ARHGAP6: variants seen among roughly 807,000 people sequenced by gnomAD.
ARHGAP6 encodes Rho GTPase activating protein 6.
A neutral mutation model predicts 55.7 loss-of-function variants in ARHGAP6; 16 were observed. The observed-to-expected ratio is 0.29, with a 90% CI of 0.19 to 0.44. The LOEUF is 0.44. Ranked by LOEUF, ARHGAP6 falls within the 20% of genes least tolerant of loss-of-function variation. The probability of loss-of-function intolerance (pLI) is 1.00; values close to 1 mark genes in which losing one functional copy is unlikely to be tolerated. For missense variants in ARHGAP6, 698 were observed against 808.9 expected, an observed-to-expected ratio of 0.86 and a Z score of 1.66; for synonymous variants, 382 against 360.9, an observed-to-expected ratio of 1.06 and a Z score of -0.66.
intron 1 of ARHGAP6, among the ~76,000 whole-genome samples, chrX:11,630,538 T>C (rs1050398025): frequency 2.7e-5 from 3 of 112,345 alleles, no homozygotes; most frequent in Non-Finnish European, 3.8e-5. Context: ...CACAAATGTA[T>C]GTCTACTGCC....
chrX:11,636,149 C>A (rs1365418156), intron 1 of ARHGAP6, among the ~76,000 whole-genome samples: 2 of 111,069 alleles, frequency 1.8e-5, no homozygotes, highest in African/African-American at 3.3e-5. Context: ...TCAGGTTATG[C>A]CTGTTATTTT....
chrX:11,211,375 C>T (rs959555015), intron 2 of ARHGAP6, among the ~76,000 whole-genome samples: 3 of 108,234 alleles, frequency 2.8e-5, no homozygotes, highest in African/African-American at 1.0e-4. Context: ...GCGCCCGCCA[C>T]ACTAATTAGC....
intron 1 of ARHGAP6, among the ~76,000 whole-genome samples, chrX:11,433,976 G>C (rs1489747973): frequency 1.8e-5 from 2 of 112,009 alleles, no homozygotes; most frequent in African/African-American, 6.5e-5. Context: ...CCATTCATTA[G>C]ATTGCTGGTG....
rs201836677 is a variant in ARHGAP6 at position 11,164,090 on chromosome X, T to C, written c.1809+5415A>G. Among the ~76,000 whole-genome samples the C allele has an allele frequency of 3.5e-5, 4 of 112,690 alleles. No individual in the cohort carries two copies. The East Asian group carries it at 8.4e-4, about 24-fold the overall frequency. ...GCTGGCCTGAACATCAGGGGTGCTA[T>C]GATTAGTCCAGCAGTATTACTGCTG... On this transcript the variant is annotated intron_variant, in intron 9 of 12. Coordinates refer to ENST00000337414, the MANE Select transcript of ARHGAP6 (RefSeq NM_013427.3).
At chrX:11,525,811 C>T (rs928777915) in intron 1 of ARHGAP6, among the ~76,000 whole-genome samples, 3 of 111,101 alleles carry the variant, frequency 2.7e-5, no homozygotes, top group African/African-American at 9.8e-5. Context: ...AAAAAATCTA[C>T]GTAAGCATAA....
At chrX:11,344,678 CA>C (rs34123570) in intron 1 of ARHGAP6, among the ~76,000 whole-genome samples, 6,598 of 27,966 alleles carry the variant, frequency 0.24, 47 homozygotes, top group African/African-American at 0.25. Flanking sequence ...AACTCCATCA[CA>C]AAAAAAAAAA....
intron 1 of ARHGAP6, among the ~76,000 whole-genome samples, chrX:11,561,393 GTATACA>G (rs2051382931): frequency 8.9e-6 from 1 of 111,821 alleles, no homozygotes; most frequent in East Asian, 2.8e-4. Context: ...TACAAAAGTG[GTATACA>G]TATAGATTCA....
intron 1 of ARHGAP6, among the ~76,000 whole-genome samples, chrX:11,313,534 T>C (rs139145037): frequency 0.018 from 1,991 of 111,944 alleles, 46 homozygotes; most frequent in African/African-American, 0.06. Context: ...TCTGCTTAAA[T>C]ATCATCTGCT....
chrX:11,395,970 A>T (rs2049472397), intron 1 of ARHGAP6, among the ~76,000 whole-genome samples: 1 of 111,448 alleles, frequency 9.0e-6, no homozygotes, highest in Admixed American at 9.6e-5. Flanking sequence ...TGTTTTTAAA[A>T]AAGAGAGCAT....
chrX:11,565,704 G>A (rs1440606007), intron 1 of ARHGAP6, among the ~76,000 whole-genome samples: 4 of 112,332 alleles, frequency 3.6e-5, no homozygotes, highest in Admixed American at 2.8e-4. Context: ...TCTTTAGAAA[G>A]CCTCTCACTC....
At chrX:11,394,212 C>T (rs919685444) in intron 1 of ARHGAP6, among the ~76,000 whole-genome samples, 6 of 112,020 alleles carry the variant, frequency 5.4e-5, no homozygotes, top group Non-Finnish European at 1.1e-4. Flanking sequence ...TAAAGTTGTG[C>T]ATTGACCTGC....
chrX:11,392,045 A>C (rs756132744), intron 1 of ARHGAP6, among the ~76,000 whole-genome samples: 2 of 112,245 alleles, frequency 1.8e-5, no homozygotes, highest in Non-Finnish European at 3.8e-5. Flanking sequence ...GCATTCCTCA[A>C]ATAAGGAATT....
intron 1 of ARHGAP6, among the ~76,000 whole-genome samples, chrX:11,334,003 T>C (rs1265863): frequency 0.058 from 6,486 of 110,882 alleles, 210 homozygotes; most frequent in Non-Finnish European, 0.094. Flanking sequence ...GAGAGTTTGG[T>C]TTAGAGTCAC....
intron 1 of ARHGAP6, among the ~76,000 whole-genome samples, chrX:11,425,549 A>T (rs985245487): frequency 8.9e-6 from 1 of 111,816 alleles, no homozygotes; most frequent in East Asian, 2.8e-4. Flanking sequence ...CTGGAATCCC[A>T]ACAAATTCCC....
intron 1 of ARHGAP6, among the ~76,000 whole-genome samples, chrX:11,593,512 C>A (rs765364035): frequency 8.9e-6 from 1 of 111,772 alleles, no homozygotes; most frequent in Non-Finnish European, 1.9e-5. Context: ...TAATGGTGGA[C>A]ACGTGTTATA....
chrX:11,208,499 C>T (rs936755406), intron 2 of ARHGAP6, among the ~76,000 whole-genome samples: 1 of 111,598 alleles, frequency 9.0e-6, no homozygotes, highest in Admixed American at 9.5e-5. Context: ...AATAAGAGTG[C>T]AGTAGTAGGT....
At chrX:11,521,747 G>T (rs12011404) in intron 1 of ARHGAP6, among the ~76,000 whole-genome samples, 9,270 of 110,292 alleles carry the variant, frequency 0.084, 464 homozygotes, top group East Asian at 0.18. Context: ...ATTACCTTGG[G>T]CAGTATGGCC....
chrX:11,232,341 C>T (rs189223521), intron 2 of ARHGAP6, among the ~76,000 whole-genome samples: 110 of 111,753 alleles, frequency 9.8e-4, no homozygotes, highest in East Asian at 7.3e-3. Flanking sequence ...TAAAGACAGG[C>T]CGGGTGTGGT....
intron 1 of ARHGAP6, among the ~76,000 whole-genome samples, chrX:11,258,279 A>G (rs188369117): frequency 2.7e-5 from 3 of 110,227 alleles, no homozygotes; most frequent in Non-Finnish European, 3.8e-5. Context: ...GGAGAAACTT[A>G]GAACCACATA....
Sources: gnomAD v4.1 joint callset for allele counts (sites outside exome capture counted in the v4.1 genomes callset) on GRCh38, gnomAD v4.1.1 for gene constraint, MANE v1.5 for transcripts, NCBI Gene and HGNC (gene_info 2026-07-23, HGNC 2026-07-21) for gene names.